The following EXOC4 variants were observed in gnomAD, a reference collection of about 807,000 sequenced individuals.
The protein encoded by EXOC4 is exocyst complex component 4.
Under a neutral mutation model 107.2 loss-of-function variants are expected in EXOC4, and 71 were observed. The observed-to-expected ratio is 0.66, with a 90% CI of 0.55 to 0.81. EXOC4 has a LOEUF of 0.81. Ranked by LOEUF, EXOC4 falls within the 30% of genes least tolerant of loss-of-function variation. The pLI is 0.00. For synonymous variants in EXOC4, 456 were observed against 441.2 expected (o/e 1.03, Z -0.42); for missense variants, 1,108 against 1,189.6 (o/e 0.93, Z 1.01).
intron 9 of EXOC4, among the ~76,000 whole-genome samples, chr7:133,526,852 G>C (rs1008325773): frequency 6.6e-6 from 1 of 151,956 alleles, no homozygotes; most frequent in Non-Finnish European, 1.5e-5. Flanking sequence ...TGTGTCTGTA[G>C]TCCCAGCTAC....
chr7:133,559,880 C>T (rs1291187915), intron 9 of EXOC4, among the ~76,000 whole-genome samples: 1 of 152,138 alleles, frequency 6.6e-6, no homozygotes, highest in Non-Finnish European at 1.5e-5. Flanking sequence ...TTGACCTTCA[C>T]TGTGTTCTGG....
chr7:133,955,492 G>A (rs1016622927), intron 14 of EXOC4, among the ~76,000 whole-genome samples: 11 of 152,214 alleles, frequency 7.2e-5, no homozygotes, highest in African/African-American at 2.7e-4. Context: ...CTGGGCTTCA[G>A]AGGGGAGGAA....
intron 10 of EXOC4, among the ~76,000 whole-genome samples, chr7:133,715,727 CG>C (rs1794986590): frequency 6.6e-6 from 1 of 151,914 alleles, no homozygotes; most frequent in Admixed American, 6.6e-5. Flanking sequence ...AGACATTGTT[CG>C]TTGTTTTCTT....
intron 5 of EXOC4, among the ~76,000 whole-genome samples, chr7:133,339,113 A>G (rs1795599445): frequency 6.6e-6 from 1 of 152,202 alleles, no homozygotes; most frequent in Non-Finnish European, 1.5e-5. Flanking sequence ...AAGTGAGAAC[A>G]TATGATGTTT....
intron 17 of EXOC4, among the ~76,000 whole-genome samples, chr7:134,013,052 C>A (rs1001790111): frequency 2.6e-5 from 4 of 152,136 alleles, no homozygotes; most frequent in South Asian, 4.1e-4. Context: ...AGTAGGAATA[C>A]GCTTCAAATG....
chr7:133,530,505 A>G (rs1478324629), intron 9 of EXOC4, among the ~76,000 whole-genome samples: 1 of 152,202 alleles, frequency 6.6e-6, no homozygotes, highest in Non-Finnish European at 1.5e-5. Context: ...GTATATAAAC[A>G]TAGAAAAGGC....
intron 14 of EXOC4, among the ~76,000 whole-genome samples, chr7:133,939,252 A>G (rs1036444094): frequency 6.6e-6 from 1 of 152,192 alleles, no homozygotes; most frequent in Non-Finnish European, 1.5e-5. Flanking sequence ...AGAAGGTATT[A>G]TTACTTGATT....
chr7:133,821,532 TG>T (rs1192874605), intron 11 of EXOC4, among the ~76,000 whole-genome samples: 1 of 152,200 alleles, frequency 6.6e-6, no homozygotes, highest in Non-Finnish European at 1.5e-5. Context: ...AATAAAAAAT[TG>T]GGCCTCATGT....
the EXOC4 span, among the ~76,000 whole-genome samples, chr7:134,076,132 T>C: frequency 6.6e-6 from 1 of 151,956 alleles, no homozygotes; most frequent in Non-Finnish European, 1.5e-5. Context: ...GAGTGGAGGA[T>C]TGAGAATAAG....
Position 133,824,284 on chromosome 7 carries a change from G to A in EXOC4, c.1734+6740G>A, listed in dbSNP as rs147306761. On this transcript the variant is annotated intron_variant, in intron 11 of 17. Coordinates refer to ENST00000253861, the MANE Select transcript of EXOC4 (RefSeq NM_021807.4). ...ATGTGTTACCTGCCTGGCCCTTAACGCCTGCCTTCCTTCCTGAACTCTACT... is the reference window on the plus strand; with the variant it reads ...ATGTGTTACCTGCCTGGCCCTTAACACCTGCCTTCCTTCCTGAACTCTACT... 7.9e-4 allele frequency among the ~76,000 whole-genome samples: 120 copies of A among 151,890 alleles called. 1 individual carries two copies. Among genetic ancestry groups the A allele is most frequent in the African/African-American group, 2.7e-3 (112 of 41,438 alleles).
intron 10 of EXOC4, among the ~76,000 whole-genome samples, chr7:133,692,365 T>G (rs1794439921): frequency 6.6e-6 from 1 of 152,240 alleles, no homozygotes; most frequent in African/African-American, 2.4e-5. Flanking sequence ...CATTGTGTGC[T>G]TTTCTTTTTA....
At chr7:133,753,254 A>G (rs1427351455) in intron 10 of EXOC4, among the ~76,000 whole-genome samples, 1 of 152,200 alleles carries the variant, frequency 6.6e-6, no homozygotes, top group African/African-American at 2.4e-5. Flanking sequence ...GTTCTTTCCA[A>G]AGACCAACTT....
At chr7:134,049,485 C>T (rs377115479) in intron 17 of EXOC4, among the ~76,000 whole-genome samples, 2 of 152,202 alleles carry the variant, frequency 1.3e-5, no homozygotes, top group African/African-American at 2.4e-5. Flanking sequence ...CTGTCCCACC[C>T]AGTTCACACA....
chr7:133,362,574 A>G (rs1796159186), intron 6 of EXOC4, among the ~76,000 whole-genome samples: 1 of 152,206 alleles, frequency 6.6e-6, no homozygotes, highest in South Asian at 2.1e-4. Flanking sequence ...TTGGAAAAAT[A>G]TACTTTTGAA....
intron 9 of EXOC4, among the ~76,000 whole-genome samples, chr7:133,493,878 G>A (rs756131354): frequency 6.6e-6 from 1 of 152,130 alleles, no homozygotes; most frequent in Non-Finnish European, 1.5e-5. Context: ...AATATTAATG[G>A]CCATGATGAA....
At chr7:133,695,097 C>G (rs1271251932) in intron 10 of EXOC4, among the ~76,000 whole-genome samples, 2 of 152,184 alleles carry the variant, frequency 1.3e-5, no homozygotes, top group African/African-American at 4.8e-5. Flanking sequence ...GCTGGAGTTA[C>G]AGGTGTGAGC....
chr7:134,093,728 T>TATTC, the EXOC4 span, among the ~76,000 whole-genome samples: 1 of 152,092 alleles, frequency 6.6e-6, no homozygotes, highest in Non-Finnish European at 1.5e-5. Context: ...AACCATACTC[T>TATTC]CAGACTACAG....
At chr7:133,434,375 T>C (rs145258524) in intron 7 of EXOC4, among the ~76,000 whole-genome samples, 2 of 152,332 alleles carry the variant, frequency 1.3e-5, no homozygotes, top group East Asian at 1.9e-4. Context: ...AAAAAAGATA[T>C]TGTGTAAAAG....
rs1802025548 is a variant in EXOC4, at chr7:133,609,387, C to T, written c.1418-20658C>T. Among the ~76,000 whole-genome samples the T allele has an allele frequency of 2.0e-5, 3 of 152,004 alleles. No individual in the cohort carries two copies. In the South Asian group the frequency reaches 6.2e-4, roughly 32 times the overall value. On this transcript the variant is annotated intron_variant, in intron 9 of 17. Transcript: ENST00000253861. ...TGGCTATTGTGAATATAGCATATTC[C>T]AATTACATGTATATTGTGACTGCAG...
Sources: allele counts gnomAD v4.1 joint callset (sites outside exome capture counted in the v4.1 genomes callset), GRCh38; gene constraint gnomAD v4.1.1; transcripts MANE v1.5; gene names NCBI Gene and HGNC (gene_info 2026-07-23, HGNC 2026-07-21).